SYT14: variants seen among roughly 807,000 people sequenced by gnomAD.
SYT14 encodes synaptotagmin-14.
Under a neutral mutation model 74.2 loss-of-function variants are expected in SYT14, and 32 were observed. The observed-to-expected ratio is 0.43, with a 90% CI of 0.33 to 0.58. The LOEUF is 0.58. SYT14 is among the 20% of genes least tolerant of loss of function. The pLI, the probability that SYT14 is intolerant of heterozygous loss-of-function variation, is 0.05. For missense variants in SYT14, 791 were observed against 981.8 expected (o/e 0.81, Z 2.60); for synonymous variants, 298 against 337.7 (o/e 0.88, Z 1.29).
At chr1:210,108,557 G>T (rs2082200541) in intron 7 of SYT14, among the ~76,000 whole-genome samples, 1 of 152,026 alleles carries the variant, frequency 6.6e-6, no homozygotes, top group Admixed American at 6.6e-5. Flanking sequence ...GGAAAGTGAG[G>T]GTTTAGGGAG....
At chr1:209,959,914 A>G (rs2079052860) in intron 2 of SYT14, among the ~76,000 whole-genome samples, 1 of 152,152 alleles carries the variant, frequency 6.6e-6, no homozygotes, top group Non-Finnish European at 1.5e-5. Context: ...GTTGTGGCAT[A>G]TGTGTTTTAT....
intron 7 of SYT14, among the ~76,000 whole-genome samples, chr1:210,151,594 A>G (rs1160335984): frequency 7.1e-6 from 1 of 140,816 alleles, no homozygotes; most frequent in Non-Finnish European, 1.5e-5. Flanking sequence ...ATCTCTTTGG[A>G]CTGCCACAAC....
intron 5 of SYT14, among the ~76,000 whole-genome samples, chr1:210,048,145 T>G (rs2080921381): frequency 6.6e-6 from 1 of 152,212 alleles, no homozygotes; most frequent in Non-Finnish European, 1.5e-5. Context: ...AATTATTACC[T>G]TTTTCTTTAG....
chr1:210,017,868 G>A (rs1220772231), intron 4 of SYT14, among the ~76,000 whole-genome samples: 1 of 152,074 alleles, frequency 6.6e-6, no homozygotes, highest in Non-Finnish European at 1.5e-5. Context: ...AAGGCCAAAA[G>A]TACACTGGCT....
chr1:210,049,965 C>T (rs957287798), intron 5 of SYT14, among the ~76,000 whole-genome samples: 1 of 152,220 alleles, frequency 6.6e-6, no homozygotes, highest in Non-Finnish European at 1.5e-5. Context: ...AGACCTCTGA[C>T]ATGCCCTGGA....
intron 5 of SYT14, among the ~76,000 whole-genome samples, chr1:210,041,542 CTG>C (rs1244424946): frequency 1.3e-5 from 2 of 152,038 alleles, no homozygotes; most frequent in African/African-American, 2.4e-5. Context: ...ATATTAATAA[CTG>C]TTACTAGGAG....
chr1:210,129,480 A>G (rs935940971), intron 7 of SYT14, among the ~76,000 whole-genome samples: 45 of 152,188 alleles, frequency 3.0e-4, no homozygotes, highest in African/African-American at 1.1e-3. Flanking sequence ...TCACCTTCCA[A>G]ATCACATTAG....
chr1:209,982,355 C>T (rs958909896), intron 2 of SYT14, among the ~76,000 whole-genome samples: 14 of 152,070 alleles, frequency 9.2e-5, no homozygotes, highest in African/African-American at 1.7e-4. Flanking sequence ...AAGGTTTCAC[C>T]GTATTGCTTA....
At chr1:210,066,566 A>G (rs2081300046) in intron 5 of SYT14, among the ~76,000 whole-genome samples, 1 of 151,828 alleles carries the variant, frequency 6.6e-6, no homozygotes, top group South Asian at 2.1e-4. Flanking sequence ...TCACTTTTTG[A>G]TGGGGTTGTT....
Position 210,104,194 on chromosome 1 carries a change from TA to T in SYT14, c.2034+3735del, listed in dbSNP as rs2082119896. Among the ~76,000 whole-genome samples the T allele has an allele frequency of 2.6e-5, 4 of 152,332 alleles. 1 individual carries two copies. In the South Asian group the frequency reaches 8.3e-4, roughly 32 times the overall value. On this transcript the variant is annotated intron_variant, in intron 7 of 9. Coordinates refer to ENST00000637265, the Ensembl canonical transcript of SYT14. The stretch of plus-strand genomic sequence containing the variant: ...AGAAATGGTATTGGTGCTGGGCCAC[TA>T]ACAGTTGCAGTAGAGGAAAGTCCTT...
intron 7 of SYT14, among the ~76,000 whole-genome samples, chr1:210,135,191 A>G (rs1572359767): frequency 6.6e-6 from 1 of 152,114 alleles, no homozygotes; most frequent in African/African-American, 2.4e-5. Flanking sequence ...CATGTTGGCC[A>G]GTTTGGTCTC....
rs375945569 is a variant in SYT14 at position 210,029,235 on chromosome 1, ATTGATAGTATCTT to A, written c.1312+7989_1312+8001del. On this transcript the variant is annotated intron_variant, in intron 5 of 9. Transcript: ENST00000637265. ...ATTTTGGGATGGCATTTTTTACTCT[ATTGATAGTATCTT>A]TTGATAGACAAAATGTTTTAATTTT... 5.3e-3 allele frequency among the ~76,000 whole-genome samples: 802 copies of A among 152,160 alleles called. 8 individuals are homozygous for A. Among genetic ancestry groups the A allele is most frequent in the African/African-American group, 0.018 (767 of 41,508 alleles).
chr1:210,118,980 A>G (rs1173383705), intron 7 of SYT14, among the ~76,000 whole-genome samples: 1 of 152,190 alleles, frequency 6.6e-6, no homozygotes, highest in Non-Finnish European at 1.5e-5. Flanking sequence ...TTTAAAACCA[A>G]AATCCTTAAT....
chr1:210,010,369 G>A (rs1178622407), intron 2 of SYT14, among the ~76,000 whole-genome samples: 1 of 152,048 alleles, frequency 6.6e-6, no homozygotes, highest in Non-Finnish European at 1.5e-5. Context: ...TGCTGTCCTA[G>A]GTACTTTGAA....
At chr1:209,952,613 G>T in intron 1 of SYT14, 96 bp from the exon 2 acceptor site, 1 of 1,043,010 alleles carries the variant, frequency 9.6e-7, no homozygotes, top group Non-Finnish European at 1.5e-6. Context: ...CTTTTTTTGA[G>T]GTCACTTTTA....
At chr1:210,103,681 CTAAG>C (rs1450660613) in intron 7 of SYT14, among the ~76,000 whole-genome samples, 1 of 151,322 alleles carries the variant, frequency 6.6e-6, no homozygotes, top group Non-Finnish European at 1.5e-5. Context: ...GCCCTGTAAA[CTAAG>C]TAAATCATCT....
rs377365399 is a variant in SYT14, at chr1:210,160,686, G to A, written c.2282-43G>A. On this transcript the variant is annotated intron_variant, in intron 9 of 9. Transcript: ENST00000637265. ...GCCTATAAAAAATTGTTTTGAGTTTGTTTCAAATGATATTTGTGATACGTT... is the reference window on the plus strand; with the variant it reads ...GCCTATAAAAAATTGTTTTGAGTTTATTTCAAATGATATTTGTGATACGTT... The A allele has an allele frequency of 8.9e-6, 14 of 1,573,124 alleles. No individual in the cohort carries two copies. The African/African-American group carries it at 1.2e-4, about 14-fold the overall frequency.
chr1:210,138,457 T>C (rs540207368), intron 7 of SYT14, among the ~76,000 whole-genome samples: 1 of 152,346 alleles, frequency 6.6e-6, no homozygotes, highest in Admixed American at 6.5e-5. Context: ...ACTCACTATC[T>C]ACTTTTTTGT....
chr1:210,034,941 G>A lies in SYT14; in HGVS notation c.1312+13687G>A, dbSNP rs956829513. ...ATAGTGCTATGATAAACATAGAAGT[G>A]CAGGTATCTTTTTTGATATAATGAT... is the stretch of plus-strand genomic sequence containing the variant. On this transcript the variant is annotated intron_variant, in intron 5 of 9. Transcript: ENST00000637265. Among the ~76,000 whole-genome samples, 12 of 151,848 alleles carry A rather than the reference G, an allele frequency of 7.9e-5. 1 individual carries two copies. Among genetic ancestry groups the A allele is most frequent in the Admixed American group, 7.9e-4 (12 of 15,202 alleles).
Sources: allele counts gnomAD v4.1 joint callset (sites outside exome capture counted in the v4.1 genomes callset), GRCh38; gene constraint gnomAD v4.1.1; transcripts MANE v1.5; gene names NCBI Gene and HGNC (gene_info 2026-07-23, HGNC 2026-07-21).